CSRNP1: variants seen among roughly 807,000 people sequenced by gnomAD.
The protein encoded by CSRNP1 is cysteine and serine rich nuclear protein 1.
Under a neutral mutation model 25.0 loss-of-function variants are expected in CSRNP1, and 8 were observed. The ratio of observed to expected loss-of-function variants is 0.32; its 90% CI spans 0.19 to 0.58. The LOEUF is 0.58. Ranked by LOEUF, CSRNP1 falls within the 20% of genes least tolerant of loss-of-function variation. CSRNP1 has a pLI of 0.88. For missense variants in CSRNP1, 691 were observed against 773.1 expected (o/e 0.89, Z 1.26); for synonymous variants, 305 against 303.1 (o/e 1.01, Z -0.06).
At chr3:39,145,332 A>G in intron 2 of CSRNP1, 76 bp from the exon 3 acceptor site, 1 of 1,478,854 alleles carries the variant, frequency 6.8e-7, no homozygotes, top group Non-Finnish European at 9.0e-7. Context: ...ATCATGCCAG[A>G]CTGCCCTCCC....
chr3:39,148,969 A>G (rs550469717), intron 1 of CSRNP1: 9 of 152,392 alleles, frequency 5.9e-5, no homozygotes, highest in Non-Finnish European at 2.9e-5. Context: ...TTGGCTGGGT[A>G]ATCCTGGGCA....
chr3:39,147,235 G>A (rs534805894), intron 1 of CSRNP1, among the ~76,000 whole-genome samples: 1 of 149,370 alleles, frequency 6.7e-6, no homozygotes, highest in African/African-American at 2.5e-5. Context: ...GTGTGTGTGT[G>A]TATGTGTGTG....
chr3:39,146,942 T>C (rs989884286), intron 1 of CSRNP1, among the ~76,000 whole-genome samples: 2 of 151,786 alleles, frequency 1.3e-5, no homozygotes, highest in Non-Finnish European at 2.9e-5. Flanking sequence ...AATGTGCAAA[T>C]CCACAGCCTG....
intron 2 of CSRNP1, among the ~76,000 whole-genome samples, chr3:39,145,685 G>A (rs1476524157): frequency 6.6e-6 from 1 of 152,100 alleles, no homozygotes; most frequent in East Asian, 1.9e-4. Flanking sequence ...TTGAACCATA[G>A]CAAATTACCA....
chr3:39,144,809 T>C (rs1045808703), intron 3 of CSRNP1, among the ~76,000 whole-genome samples, 188 bp downstream of exon 3: 2 of 151,476 alleles, frequency 1.3e-5, no homozygotes, highest in African/African-American at 4.9e-5. Flanking sequence ...ACACGAGCCC[T>C]CCTCTGCGCC....
intron 2 of CSRNP1, among the ~76,000 whole-genome samples, chr3:39,146,223 A>G (rs1158480985): frequency 2.0e-5 from 3 of 152,208 alleles, no homozygotes; most frequent in Non-Finnish European, 4.4e-5. Flanking sequence ...GGGAGGGGCC[A>G]GACCGGGAAG....
chr3:39,153,016 G>C (rs1398684100), intron 1 of CSRNP1: 1 of 151,952 alleles, frequency 6.6e-6, no homozygotes, highest in Non-Finnish European at 1.5e-5. Context: ...CCCGAGGGGG[G>C]AGCCCGAGGA....
chr3:39,143,254 T>C lies in CSRNP1; in HGVS notation c.1571A>G (p.Lys524Arg). 19 of 1,614,144 alleles carry C rather than the reference T, an allele frequency of 1.2e-5. No homozygotes were observed. Among genetic ancestry groups the C allele is most frequent in the Non-Finnish European group, 1.6e-5 (19 of 1,180,026 alleles). ...GATGTTGTCCAGGCTGTCAGACACC[T>C]TCTGTGATGTGTAGTGAGGCCCCAG... ...YSLGPHYTSQKVSDSLDNIEA... is the reference protein window; with the variant it reads ...YSLGPHYTSQRVSDSLDNIEA... The change falls in exon 5 of 5, where the codon AAG becomes AGG. Residue 524 changes from lysine (K) to arginine (R), a missense_variant. Physicochemically the swap from Lys to Arg is conservative, Grantham distance 26 (BLOSUM62 2). Transcript: ENST00000273153.
In CSRNP1 at chr3:39,146,609, G is replaced by A. The variant is rs368541138; in HGVS notation, c.74C>T (p.Ser25Phe). The A allele has an allele frequency of 1.1e-5, 18 of 1,570,838 alleles. 1 individual carries two copies. The South Asian group carries it at 2.1e-4, about 18-fold the overall frequency. Reference protein sequence around the residue: ...DNSSVSSSSSSSGCQSRSCSP... With the variant: ...DNSSVSSSSSFSGCQSRSCSP... ...GCAGGAGCGAGACTGGCACCCAGAGGAAGAGGAGGAGGAGGAGACCGAGGA... is the reference window on the plus strand; with the variant it reads ...GCAGGAGCGAGACTGGCACCCAGAGAAAGAGGAGGAGGAGGAGACCGAGGA... The change falls in exon 2 of 5, where the codon TCC (serine) becomes TTC (phenylalanine). Residue 25 changes from serine to phenylalanine, a missense_variant. Transcript: ENST00000273153.
chr3:39,146,496 C>A lies in CSRNP1; in HGVS notation c.187G>T (p.Gly63Cys). 6.5e-7 allele frequency: 1 copy of A among 1,546,484 alleles called. No homozygotes were observed. Among genetic ancestry groups the A allele is most frequent in the Non-Finnish European group, 8.7e-7 (1 of 1,144,044 alleles). Residue 63 changes from glycine (G) to cysteine (C), a missense_variant, in exon 2 of 5, where the codon GGC becomes TGC. Gly to Cys is a radical substitution (Grantham distance 159, BLOSUM62 -3). Coordinates refer to ENST00000273153, the MANE Select transcript of CSRNP1 (RefSeq NM_033027.4). ...QMPLPDRDFCGPRSFTPLSIL... is the reference protein window; with the variant it reads ...QMPLPDRDFCCPRSFTPLSIL... Reference sequence around the variant, plus strand: ...TACTCACGGGTGAAACTTCTGGGGCCGCAGAAGTCACGGTCAGGCAGGGGC... The same window carrying A: ...TACTCACGGGTGAAACTTCTGGGGCAGCAGAAGTCACGGTCAGGCAGGGGC...
intron 1 of CSRNP1, chr3:39,148,918 G>A (rs1284629186): frequency 6.6e-6 from 1 of 152,234 alleles, no homozygotes; most frequent in Non-Finnish European, 1.5e-5. Flanking sequence ...TTCGGCTCCA[G>A]AACCAGACTG....
rs982236133 is a variant in CSRNP1, at chr3:39,146,768, A to G, written c.-40-46T>C. 6.6e-6 allele frequency: 10 copies of G among 1,513,422 alleles called. No homozygotes were observed. In the African/African-American group the frequency reaches 1.1e-4, roughly 17 times the overall value. 93.7% of individuals were successfully genotyped at this position (1,513,422 alleles called of 1,614,324 possible). On this transcript the variant is annotated intron_variant, in intron 1 of 4. Transcript: ENST00000273153. Reference sequence around the variant, plus strand: ...CTCTAAGTGGCAGGCAGGCAGCAGCAGGTGGACTTCCAGCCAGGATCATCA... The same window carrying G: ...CTCTAAGTGGCAGGCAGGCAGCAGCGGGTGGACTTCCAGCCAGGATCATCA...
upstream of CSRNP1, chr3:39,153,722 C>A (rs2039618673): frequency 6.6e-6 from 1 of 151,818 alleles, no homozygotes; most frequent in African/African-American, 2.4e-5. Flanking sequence ...CCGCCTCCTC[C>A]CCCGCCTGGA....
In CSRNP1 at chr3:39,141,874, T is replaced by C. The variant is rs2039416318; in HGVS notation, c.*1181A>G. ...CATTGCTAAAAATAAAGCCTCTTTA[T>C]TGGTACCTGTAAGCTCAGGTACAAG... On this transcript the variant is annotated 3_prime_UTR_variant, in exon 5 of 5. Coordinates refer to ENST00000273153, the MANE Select transcript of CSRNP1 (RefSeq NM_033027.4). 2 of 152,586 alleles carry C rather than the reference T, an allele frequency of 1.3e-5. No homozygotes were observed. Among genetic ancestry groups the C allele is most frequent in the South Asian group, 2.1e-4 (1 of 4,824 alleles). 9.5% of individuals were successfully genotyped at this position (152,586 alleles called of 1,614,324 possible).
intron 1 of CSRNP1, chr3:39,152,673 G>A (rs1225768296): frequency 6.5e-6 from 1 of 153,718 alleles, no homozygotes; most frequent in African/African-American, 2.4e-5. Flanking sequence ...TGTGACTATG[G>A]CTGTGGTGTG....
intron 3 of CSRNP1, 120 bp downstream of exon 3, chr3:39,144,877 G>T: frequency 8.1e-7 from 1 of 1,239,200 alleles, no homozygotes; most frequent in Non-Finnish European, 1.1e-6. Context: ...CAGGCCCACA[G>T]GCCTGTTTCC....
Position 39,144,293 on chromosome 3 carries a change from T to G in CSRNP1, c.624A>C (p.Arg208=). ...FLQPYPARRR[R]ALLRASGVRR... ...GCACACCTGAAGCCCTCAGCAGAGC[T>G]CGACGTCGCCGGGCTGGGTAGGGCT... The change falls in exon 4 of 5, where the codon CGA becomes CGC. Residue 208 remains arginine (R), a synonymous_variant. Coordinates refer to ENST00000273153, the MANE Select transcript of CSRNP1 (RefSeq NM_033027.4). 1 of 1,614,082 alleles carries G rather than the reference T, an allele frequency of 6.2e-7. No homozygotes were observed. Among genetic ancestry groups the G allele is most frequent in the South Asian group, 1.1e-5 (1 of 91,086 alleles).
In CSRNP1 at chr3:39,143,896, C is replaced by T. The variant is rs968782048; in HGVS notation, c.929G>A (p.Arg310Lys). ...GCCCTGGGCAGGGGCCTCCAGCTCC[C>T]TAAAGCTCTCAGCCTCCTGTTCCAA... is the stretch of plus-strand genomic sequence containing the variant. ...LQLEQEAESF[R>K]ELEAPAQGSP... is the part of the protein sequence containing the mutation. Residue 310 changes from arginine to lysine, a missense_variant, in exon 5 of 5, where the codon AGG (arginine) becomes AAG (lysine). Physicochemically the swap from Arg to Lys is conservative, Grantham distance 26. Transcript: ENST00000273153. The T allele has an allele frequency of 6.2e-7, 1 of 1,614,184 alleles. No individual in the cohort carries two copies.
intron 1 of CSRNP1, 37 bp downstream of exon 1, chr3:39,153,401 T>C: frequency 3.9e-6 from 1 of 258,464 alleles, no homozygotes; most frequent in Non-Finnish European, 8.2e-6. Flanking sequence ...CTCCCCAAAG[T>C]CCCGTCCTGC....
Sources: allele counts gnomAD v4.1 joint callset (sites outside exome capture counted in the v4.1 genomes callset), GRCh38; gene constraint gnomAD v4.1.1; transcripts MANE v1.5; gene names NCBI Gene and HGNC (gene_info 2026-07-23, HGNC 2026-07-21).